Variants in ERAP2 observed in about 807,000 individuals in gnomAD.
The protein encoded by ERAP2 is leukocyte-derived arginine aminopeptidase.
ERAP2 carries 118 observed loss-of-function variants against 111.1 expected under a neutral mutation model. The observed-to-expected ratio is 1.06, with a 90% CI of 0.92 to 1.24. The LOEUF (loss-of-function observed/expected upper bound fraction) is 1.24. ERAP2 is among the 50% of genes most tolerant of loss of function. The probability of loss-of-function intolerance (pLI) is 0.00; values close to 1 mark genes in which losing one functional copy is unlikely to be tolerated. For synonymous variants in ERAP2, 410 were observed against 401.2 expected (o/e 1.02, Z -0.26); for missense variants, 1,131 against 1,125.8 (o/e 1.00, Z -0.07).
Position 96,901,580 on chromosome 5 carries a change from G to C in ERAP2, c.1647G>C (p.Leu549=). ...TTWTLQKGIP[L]LVVKQDGCSL... Reference sequence around the variant, plus strand: ...GGACTCTCCAGAAAGGAATCCCCCTGCTGGTGGTTAAACAAGACGGGTGTT... The same window carrying C: ...GGACTCTCCAGAAAGGAATCCCCCTCCTGGTGGTTAAACAAGACGGGTGTT... Residue 549 remains leucine, a synonymous_variant, in exon 11 of 19, where the codon CTG becomes CTC. Coordinates refer to ENST00000437043, the MANE Select transcript of ERAP2 (RefSeq NM_022350.5). 1 of 1,614,112 alleles carries C rather than the reference G, an allele frequency of 6.2e-7. No individual in the cohort carries two copies. Among genetic ancestry groups the C allele is most frequent in the Non-Finnish European group, 8.5e-7 (1 of 1,179,982 alleles).
intron 11 of ERAP2, among the ~76,000 whole-genome samples, chr5:96,901,999 T>C (rs946347289): frequency 6.6e-6 from 1 of 152,208 alleles, no homozygotes; most frequent in African/African-American, 2.4e-5. Context: ...CAGCAGAAAT[T>C]GTTATGGTAT....
In ERAP2 at chr5:96,895,247, G is replaced by A; in HGVS notation, c.1127G>A (p.Trp376Ter). Reference sequence around the variant, plus strand: ...TAATATTGAGTTTTTACCTCCTAGTGGTTTGGCAACCTGGTCACAATGGAA... The same window carrying A: ...TAATATTGAGTTTTTACCTCCTAGTAGTTTGGCAACCTGGTCACAATGGAA... Reference protein sequence around the residue: ...RVIAHELAHQWFGNLVTMEWW... With the variant: ...RVIAHELAHQ Residue 376 changes from tryptophan (W) to a stop codon, truncating the protein, a stop_gained and splice_region_variant, in exon 7 of 19, where the codon TGG becomes TAG. Transcript: ENST00000437043. LOFTEE classifies it high-confidence loss of function. The A allele has an allele frequency of 6.3e-7, 1 of 1,598,648 alleles. No individual in the cohort carries two copies.
chr5:96,889,436 G>T (rs777007511), intron 5 of ERAP2, 131 bp downstream of exon 5: 2 of 1,012,732 alleles, frequency 2.0e-6, no homozygotes, highest in Non-Finnish European at 3.1e-6. Flanking sequence ...AAAATAATTT[G>T]TTCCTCAGAG....
intron 13 of ERAP2, among the ~76,000 whole-genome samples, chr5:96,907,281 G>A (rs2112317987): frequency 6.6e-6 from 1 of 152,110 alleles, no homozygotes. Context: ...AAACAACTCA[G>A]TAACTATATA....
At chr5:96,901,759 TC>T in intron 11 of ERAP2, 78 bp downstream of exon 11, 1 of 1,440,334 alleles carries the variant, frequency 6.9e-7, no homozygotes. Flanking sequence ...TCTCAGCTCA[TC>T]TGGCAACTTT....
chr5:96,889,298 C>G lies in ERAP2; in HGVS notation c.963C>G (p.Ser321=), dbSNP rs758941042. The G allele has an allele frequency of 1.2e-6, 2 of 1,613,908 alleles. No individual in the cohort carries two copies. Among genetic ancestry groups the G allele is most frequent in the Non-Finnish European group, 1.7e-6 (2 of 1,179,948 alleles). Residue 321 remains serine (S), a synonymous_variant, in exon 5 of 19, where the codon TCC becomes TCG. Coordinates refer to ENST00000437043, the MANE Select transcript of ERAP2 (RefSeq NM_022350.5). The part of the protein sequence containing the change: ...EKYFDIYYPL[S]KLDLIAIPDF... Reference sequence around the variant, plus strand: ...ACTTTGATATCTACTATCCACTCTCCAAACTGGGTATGTTCAAATTCCACA... The same window carrying G: ...ACTTTGATATCTACTATCCACTCTCGAAACTGGGTATGTTCAAATTCCACA...
chr5:96,893,103 ATAC>A (rs1010580334), intron 6 of ERAP2, among the ~76,000 whole-genome samples: 8 of 152,204 alleles, frequency 5.3e-5, no homozygotes, highest in Non-Finnish European at 1.0e-4. Flanking sequence ...ACTACAAGAA[ATAC>A]TACTATTTCT....
rs1473889829 is a variant in ERAP2 at position 96,917,665 on chromosome 5, G to C, written c.*60G>C. 6.4e-6 allele frequency: 9 copies of C among 1,415,232 alleles called. No individual in the cohort carries two copies. Among genetic ancestry groups the C allele is most frequent in the Non-Finnish European group, 8.7e-6 (9 of 1,038,298 alleles). 87.7% of individuals were successfully genotyped at this position (1,415,232 alleles called of 1,614,324 possible). On this transcript the variant is annotated 3_prime_UTR_variant, in exon 19 of 19. Transcript: ENST00000437043. ...CTCACGCCTGTAATCCCAGCACTTT[G>C]GGAGGCTGAGAAGGGCGGATCACGA...
Position 96,918,889 on chromosome 5 carries a change from C to T in ERAP2, c.*1284C>T, listed in dbSNP as rs1032135858. ...CTTCATATTTTAAGGAAACCCCCCA[C>T]CTCCTTCTTTTAAGGGCGCTTCTTG... On this transcript the variant is annotated 3_prime_UTR_variant, in exon 19 of 19. Transcript: ENST00000437043. The T allele has an allele frequency of 7.2e-5, 11 of 152,184 alleles. No individual in the cohort carries two copies. The highest frequency in any genetic ancestry group is 1.5e-4 in the Non-Finnish European group (10 of 68,026). The allele number at this position is 152,184 out of a possible 1,614,324, so 9.4% of individuals were successfully genotyped here. A position where few individuals can be genotyped will look rare whatever the true frequency, so the allele number is the denominator to read the frequency against.
intron 13 of ERAP2, among the ~76,000 whole-genome samples, chr5:96,905,948 T>TA (rs1443564590): frequency 1.3e-5 from 2 of 150,752 alleles, no homozygotes; most frequent in Admixed American, 6.6e-5. Flanking sequence ...TTTTTAATTT[T>TA]TTTTTTTTTT....
chr5:96,879,981 T>C lies in ERAP2; in HGVS notation c.296T>C (p.Val99Ala). The C allele has an allele frequency of 6.2e-7, 1 of 1,614,186 alleles. No homozygotes were observed. The highest frequency in any genetic ancestry group is 1.1e-5 in the South Asian group (1 of 91,082). ...TTTGTTGCATCTGAGAAGATCGAAGTCTTGGTCAGCAATGCTACCCAGTTT... is the reference window on the plus strand; with the variant it reads ...TTTGTTGCATCTGAGAAGATCGAAGCCTTGGTCAGCAATGCTACCCAGTTT... ...LDFVASEKIE[V>A]LVSNATQFII... Residue 99 changes from valine (V) to alanine (A), a missense_variant, in exon 2 of 19, where the codon GTC becomes GCC. This residue lies in a region of ERAP2 where 847 missense variants were observed against 856.5 expected (regional missense o/e 0.99). Transcript: ENST00000437043.
intron 7 of ERAP2, 97 bp from the exon 8 acceptor site, chr5:96,896,276 C>A: frequency 1.0e-6 from 1 of 959,980 alleles, no homozygotes; most frequent in Non-Finnish European, 1.5e-6. Flanking sequence ...CGATTGAAAT[C>A]TTACCTCTAA....
At chr5:96,914,677 G>A (rs1161731966) in intron 17 of ERAP2, among the ~76,000 whole-genome samples, 2 of 152,120 alleles carry the variant, frequency 1.3e-5, no homozygotes, top group African/African-American at 4.8e-5. Flanking sequence ...TTATCAACAT[G>A]AATCACTTTG....
intron 9 of ERAP2, 148 bp from the exon 10 acceptor site, chr5:96,899,973 C>T (rs1281679411): frequency 5.2e-6 from 5 of 958,520 alleles, no homozygotes; most frequent in Non-Finnish European, 7.7e-6. Context: ...GCAAACATGC[C>T]TTTTTTTCCA....
At chr5:96,889,328 T>C in intron 5 of ERAP2, 23 bp downstream of exon 5, 8 of 1,613,620 alleles carry the variant, frequency 5.0e-6, no homozygotes, top group Non-Finnish European at 6.8e-6. Context: ...TCCACATTAT[T>C]GTCTTCATTT....
chr5:96,915,601 A>G (rs1378908296), intron 17 of ERAP2, 87 bp from the exon 18 acceptor site: 6 of 646,076 alleles, frequency 9.3e-6, no homozygotes, highest in Non-Finnish European at 2.4e-6. Flanking sequence ...CATAGTTATT[A>G]ATATACATTA....
At position 96,883,912 on chromosome 5, in the gene ERAP2, A is replaced by G. The variant is rs1182145209; in HGVS notation, c.696A>G (p.Ala232=). ...TACGAAGAGAGAGCAGGCATATTGCACTATCCAACATGCCAAAGGTATGTC... is the reference window on the plus strand; with the variant it reads ...TACGAAGAGAGAGCAGGCATATTGCGCTATCCAACATGCCAAAGGTATGTC... ...IKIRRESRHI[A]LSNMPKVKTI... Residue 232 remains alanine (A), a synonymous_variant, in exon 3 of 19, where the codon GCA becomes GCG. Coordinates refer to ENST00000437043, the MANE Select transcript of ERAP2 (RefSeq NM_022350.5). 5 of 1,610,710 alleles carry G rather than the reference A, an allele frequency of 3.1e-6. No homozygotes were observed. The highest frequency in any genetic ancestry group is 3.4e-6 in the Non-Finnish European group (4 of 1,178,868).
Position 96,896,524 on chromosome 5 carries a change from G to C in ERAP2, c.1371+20G>C. ...AACAAGGTAGTAAATATCAGGTGCA[G>C]GTGGAAGCTCTGCTTTCAGAAGTGT... On this transcript the variant is annotated intron_variant, in intron 8 of 18. Coordinates refer to ENST00000437043, the MANE Select transcript of ERAP2 (RefSeq NM_022350.5). The C allele has an allele frequency of 6.3e-7, 1 of 1,595,948 alleles. No homozygotes were observed. The highest frequency in any genetic ancestry group is 8.5e-7 in the Non-Finnish European group (1 of 1,174,310).
intron 13 of ERAP2, 61 bp from the exon 14 acceptor site, chr5:96,908,900 G>A (rs1277420900): frequency 6.7e-7 from 1 of 1,493,022 alleles, no homozygotes; most frequent in African/African-American, 1.4e-5. Context: ...TTGTTTTAAT[G>A]TTAAAAATAT....
Sources: allele counts gnomAD v4.1 joint callset (sites outside exome capture counted in the v4.1 genomes callset), GRCh38; gene constraint gnomAD v4.1.1; regional missense constraint gnomAD v4.1.1; transcripts MANE v1.5; gene names NCBI Gene and HGNC (gene_info 2026-07-23, HGNC 2026-07-21).